Variants in CCDC148 observed in about 807,000 individuals in gnomAD.
The protein encoded by CCDC148 is coiled-coil domain containing 148.
A neutral mutation model predicts 85.7 loss-of-function variants in CCDC148; 89 were observed. The ratio of observed to expected loss-of-function variants is 1.04; its 90% CI spans 0.87 to 1.24. CCDC148 has a LOEUF of 1.24. Among genes scored for constraint, CCDC148 ranks in the 50% most tolerant of loss-of-function variants. The pLI, the probability that CCDC148 is intolerant of heterozygous loss-of-function variation, is 0.00. For missense variants in CCDC148, 692 were observed against 671.7 expected (o/e 1.03, Z -0.33); for synonymous variants, 230 against 213.9 (o/e 1.08, Z -0.66).
intron 9 of CCDC148, among the ~76,000 whole-genome samples, chr2:158,256,155 A>G (rs1324945959): frequency 6.6e-6 from 1 of 151,800 alleles, no homozygotes; most frequent in Non-Finnish European, 1.5e-5. Flanking sequence ...TATTAACACA[A>G]TTTTACATCA....
At chr2:158,396,342 T>C (rs1479916513) in intron 1 of CCDC148, among the ~76,000 whole-genome samples, 2 of 152,126 alleles carry the variant, frequency 1.3e-5, no homozygotes, top group African/African-American at 4.8e-5. Context: ...ATAGGACATA[T>C]GTTCTCCAAC....
At chr2:158,352,467 A>T (rs9677434) in intron 2 of CCDC148, among the ~76,000 whole-genome samples, 26,965 of 152,176 alleles carry the variant, frequency 0.18, 3,105 homozygotes, top group Middle Eastern at 0.26. Context: ...GCTGGAAGAA[A>T]GGGTATCAGC....
chr2:158,417,207 G>A (rs1334719741), intron 1 of CCDC148, among the ~76,000 whole-genome samples: 2 of 152,184 alleles, frequency 1.3e-5, no homozygotes, highest in African/African-American at 4.8e-5. Context: ...ATATTAAGGT[G>A]TCTGAATAGT....
At chr2:158,436,008 A>AC (rs1281574171) in intron 1 of CCDC148, among the ~76,000 whole-genome samples, 1 of 152,128 alleles carries the variant, frequency 6.6e-6, no homozygotes, top group East Asian at 1.9e-4. Context: ...AGAGACTTAG[A>AC]CCCCCACACA....
intron 9 of CCDC148, among the ~76,000 whole-genome samples, chr2:158,283,527 G>A (rs1415371827): frequency 1.3e-5 from 2 of 152,204 alleles, no homozygotes. Context: ...AGGAAAAAAT[G>A]CTCATCATCA....
chr2:158,238,194 A>G (rs1346801159), intron 10 of CCDC148, among the ~76,000 whole-genome samples: 1 of 152,046 alleles, frequency 6.6e-6, no homozygotes, highest in Non-Finnish European at 1.5e-5. Flanking sequence ...GTGTATTTTT[A>G]GGGTACCTGG....
At chr2:158,186,088 C>G (rs1423365944) in intron 11 of CCDC148, among the ~76,000 whole-genome samples, 1 of 151,328 alleles carries the variant, frequency 6.6e-6, no homozygotes, top group African/African-American at 2.4e-5. Context: ...AGAGAGGAGG[C>G]TGAGTTTTTC....
intron 2 of CCDC148, among the ~76,000 whole-genome samples, chr2:158,351,994 A>C (rs2105257918): frequency 7.1e-6 from 1 of 141,680 alleles, no homozygotes; most frequent in Non-Finnish European, 1.5e-5. Flanking sequence ...AGGGTATTCC[A>C]ACAGACCTGC....
At chr2:158,419,543 G>A (rs1686669026) in intron 1 of CCDC148, among the ~76,000 whole-genome samples, 1 of 152,120 alleles carries the variant, frequency 6.6e-6, no homozygotes, top group Admixed American at 6.5e-5. Context: ...TAATTTCTCT[G>A]GGTCTCAATT....
chr2:158,340,816 T>C, intron 3 of CCDC148, 136 bp from the exon 4 acceptor site: 3 of 615,662 alleles, frequency 4.9e-6, no homozygotes, highest in South Asian at 2.2e-5. Flanking sequence ...ATTCCTAACA[T>C]GGCTTGAGTC....
intron 1 of CCDC148, among the ~76,000 whole-genome samples, chr2:158,407,667 A>T (rs1686084216): frequency 6.6e-6 from 1 of 152,206 alleles, no homozygotes; most frequent in African/African-American, 2.4e-5. Context: ...CTTAGTATAG[A>T]GCAAAATTAA....
At chr2:158,382,628 A>G (rs1007096056) in intron 1 of CCDC148, among the ~76,000 whole-genome samples, 1 of 152,120 alleles carries the variant, frequency 6.6e-6, no homozygotes, top group Non-Finnish European at 1.5e-5. Context: ...ACCAAATCTG[A>G]GGCCAGGCAC....
chr2:158,337,962 G>A (rs528991262), intron 7 of CCDC148, among the ~76,000 whole-genome samples: 1 of 152,166 alleles, frequency 6.6e-6, no homozygotes, highest in East Asian at 1.9e-4. Flanking sequence ...TACTATAAAT[G>A]TGTCCCTTAA....
intron 12 of CCDC148, among the ~76,000 whole-genome samples, chr2:158,176,892 T>G (rs1005938371): frequency 5.3e-5 from 8 of 152,146 alleles, no homozygotes; most frequent in Non-Finnish European, 5.9e-5. Flanking sequence ...GGCATATAGT[T>G]ATTTGCTAAT....
chr2:158,265,049 CCCTCATATAAAATTCTATACTATT>C (rs1348114445), intron 9 of CCDC148, among the ~76,000 whole-genome samples: 2 of 152,028 alleles, frequency 1.3e-5, no homozygotes, highest in East Asian at 1.9e-4. Context: ...TAGCTATGAC[CCCTCATATAAAATTCTATACTATT>C]CCTCATATAA....
At chr2:158,418,880 A>G (rs1574785730) in intron 1 of CCDC148, among the ~76,000 whole-genome samples, 1 of 152,216 alleles carries the variant, frequency 6.6e-6, no homozygotes, top group East Asian at 1.9e-4. Context: ...TCAATGAGTG[A>G]ATCATTACGT....
rs764349131 is a variant in CCDC148, at chr2:158,176,670, G to A, written c.1489-9C>T. ...TGAGCAACAACAGCAACCTAAAAAT[G>A]AGAAAGCATGGCTACTTGGAACAAG... On this transcript the variant is annotated splice_polypyrimidine_tract_variant and intron_variant, in intron 12 of 13. Coordinates refer to ENST00000283233, the MANE Select transcript of CCDC148 (RefSeq NM_138803.4). 1 of 1,611,330 alleles carries A rather than the reference G, an allele frequency of 6.2e-7. No homozygotes were observed. Among genetic ancestry groups the A allele is most frequent in the Non-Finnish European group, 8.5e-7 (1 of 1,178,544 alleles).
In CCDC148 at chr2:158,172,232, C is replaced by T. The variant is rs745800605; in HGVS notation, c.1657G>A (p.Glu553Lys). The change falls in exon 14 of 14, where the codon GAG becomes AAG. Residue 553 changes from glutamate to lysine, a missense_variant. Coordinates refer to ENST00000283233, the MANE Select transcript of CCDC148 (RefSeq NM_138803.4). ...QIISDPRLRF[E>K]LALREAGLHR... is the part of the protein sequence containing the mutation. Reference sequence around the variant, plus strand: ...AGTCCAGCTTCTCGAAGTGCTAACTCGAAGCGAAGTCTAGGGTCAGAAATT... The same window carrying T: ...AGTCCAGCTTCTCGAAGTGCTAACTTGAAGCGAAGTCTAGGGTCAGAAATT... 13 of 1,606,110 alleles carry T rather than the reference C, an allele frequency of 8.1e-6. No homozygotes were observed. Among genetic ancestry groups the T allele is most frequent in the South Asian group, 1.1e-5 (1 of 89,342 alleles).
rs115163744 is a variant in CCDC148, at chr2:158,443,412, C to T, written c.25+13003G>A. On this transcript the variant is annotated intron_variant, in intron 1 of 13. Transcript: ENST00000283233. ...CCAGCTACTTAGCAGGCTGAGATGGCGGGATCATTTGAGCCTGGGAGATCA... is the reference window on the plus strand; with the variant it reads ...CCAGCTACTTAGCAGGCTGAGATGGTGGGATCATTTGAGCCTGGGAGATCA... 6.6e-3 allele frequency among the ~76,000 whole-genome samples: 954 copies of T among 144,492 alleles called. 14 individuals are homozygous for T. Among genetic ancestry groups the T allele is most frequent in the African/African-American group, 0.023 (905 of 38,794 alleles). 94.8% of individuals were successfully genotyped at this position (144,492 alleles called of 152,430 possible).
Sources: gnomAD v4.1 joint callset for allele counts (sites outside exome capture counted in the v4.1 genomes callset) on GRCh38, gnomAD v4.1.1 for gene constraint, MANE v1.5 for transcripts, NCBI Gene and HGNC (gene_info 2026-07-23, HGNC 2026-07-21) for gene names.